Variants in CCNK observed in about 807,000 individuals in gnomAD.
CCNK encodes cyclin-K.
In CCNK, 9 loss-of-function variants were observed where a neutral mutation model predicts 65.0. That is an observed-to-expected ratio of 0.14 (90% CI 0.08 to 0.24). The LOEUF (loss-of-function observed/expected upper bound fraction) is 0.24, where lower values mean the gene tolerates loss of function less well. Ranked by LOEUF, CCNK falls within the 10% of genes least tolerant of loss-of-function variation. The pLI, the probability that CCNK is intolerant of heterozygous loss-of-function variation, is 1.00. For missense variants in CCNK, 474 were observed against 720.0 expected, an observed-to-expected ratio of 0.66 and a Z score of 3.91; for synonymous variants, 279 against 270.8, an observed-to-expected ratio of 1.03 and a Z score of -0.30.
At chr14:99,482,832 T>C (rs1159189024) in intron 1 of CCNK, among the ~76,000 whole-genome samples, 2 of 149,892 alleles carry the variant, frequency 1.3e-5, no homozygotes, top group Non-Finnish European at 3.0e-5. Flanking sequence ...CTAGTTCATT[T>C]CAGGACATTA....
At chr14:99,489,683 T>C (rs924870022) in intron 1 of CCNK, among the ~76,000 whole-genome samples, 1 of 152,238 alleles carries the variant, frequency 6.6e-6, no homozygotes, top group Admixed American at 6.5e-5. Flanking sequence ...GGTTTGAGTT[T>C]TAGGATTTGC....
chr14:99,510,634 C>T lies in CCNK; in HGVS notation c.1595C>T (p.Pro532Leu). 2 of 1,415,194 alleles carry T rather than the reference C, an allele frequency of 1.4e-6. No individual in the cohort carries two copies. The highest frequency in any genetic ancestry group is 3.0e-5 in the South Asian group (2 of 66,648). The allele number at this position is 1,415,194 out of a possible 1,614,324, so 87.7% of individuals were successfully genotyped here. ...CTCCCGCCTACCCACGCAGTCCCCC[C>T]TCATCCTCCTCCAGGGTTGGGCCTG... ...PRLPPTHAVP[P>L]HPPPGLGLPP... The change falls in exon 11 of 11, where the codon CCT becomes CTT. Residue 532 changes from proline (P) to leucine (L), a missense_variant. Coordinates refer to ENST00000389879, the MANE Select transcript of CCNK (RefSeq NM_001099402.2).
At chr14:99,506,243 G>T (rs1012120467) in intron 9 of CCNK, 3 of 152,290 alleles carry the variant, frequency 2.0e-5, no homozygotes, top group African/African-American at 7.2e-5. Context: ...AGTGATGGCA[G>T]AGGAGACTCA....
chr14:99,510,619 C>A lies in CCNK; in HGVS notation c.1580C>A (p.Thr527Asn). The A allele has an allele frequency of 1.5e-6, 2 of 1,307,908 alleles. No individual in the cohort carries two copies. The highest frequency in any genetic ancestry group is 1.0e-6 in the Non-Finnish European group (1 of 999,384). The allele number at this position is 1,307,908 out of a possible 1,614,324, so 81.0% of individuals were successfully genotyped here. The change falls in exon 11 of 11, where the codon ACC becomes AAC. Residue 527 changes from threonine to asparagine, a missense_variant. Transcript: ENST00000389879. ...FPPPPPRLPP[T>N]HAVPPHPPPG... The stretch of plus-strand genomic sequence containing the variant: ...CCCCCACCCCCACGCCTCCCGCCTA[C>A]CCACGCAGTCCCCCCTCATCCTCCT...
chr14:99,485,522 C>A (rs769613648), intron 1 of CCNK, among the ~76,000 whole-genome samples: 3 of 152,184 alleles, frequency 2.0e-5, no homozygotes, highest in African/African-American at 4.8e-5. Context: ...TTTTTATTAT[C>A]CCTTGACCAG....
intron 2 of CCNK, 74 bp downstream of exon 2, chr14:99,492,948 G>T: frequency 8.2e-7 from 1 of 1,216,444 alleles, no homozygotes. Context: ...AGATTCTGTA[G>T]ACAAAATATA....
intron 1 of CCNK, 45 bp from the exon 2 acceptor site, chr14:99,492,581 A>G (rs1169466195): frequency 3.1e-6 from 3 of 959,220 alleles, no homozygotes; most frequent in African/African-American, 3.4e-5. Flanking sequence ...GATTGCTTAT[A>G]GTATGGAGTA....
intron 9 of CCNK, chr14:99,506,665 G>A (rs1346245493): frequency 1.8e-5 from 3 of 170,218 alleles, no homozygotes; most frequent in Non-Finnish European, 3.8e-5. Flanking sequence ...TTCTCTTGTG[G>A]AACCCTCAGG....
Position 99,511,286 on chromosome 14 carries a change from A to G in CCNK, c.*504A>G, listed in dbSNP as rs1897124719. ...ATTTATAGATGTTTGCATCCTTTGT[A>G]TTAAAATTATTTTGAAGGGGTTGCC... On this transcript the variant is annotated 3_prime_UTR_variant, in exon 11 of 11. Coordinates refer to ENST00000389879, the MANE Select transcript of CCNK (RefSeq NM_001099402.2). The G allele has an allele frequency of 6.6e-6, 1 of 151,760 alleles. No individual in the cohort carries two copies. The highest frequency in any genetic ancestry group is 2.4e-5 in the African/African-American group (1 of 41,312). The allele number at this position is 151,760 out of a possible 1,614,324, so 9.4% of individuals were successfully genotyped here.
At chr14:99,486,875 GTTA>G (rs1482033199) in intron 1 of CCNK, among the ~76,000 whole-genome samples, 2 of 70,238 alleles carry the variant, frequency 2.8e-5, no homozygotes, top group Non-Finnish European at 6.4e-5. Flanking sequence ...CCTTACATGC[GTTA>G]TTATTTGTGG....
Position 99,507,161 on chromosome 14 carries a change from G to A in CCNK, c.1117+14G>A. On this transcript the variant is annotated intron_variant, in intron 10 of 10. Transcript: ENST00000389879. ...ACCCACCTCCAGGTAAGCATCTGCT[G>A]AAGCAGCTTGGCCAGCTGTGCACAT... The A allele has an allele frequency of 6.5e-7, 1 of 1,546,376 alleles. No individual in the cohort carries two copies. Among genetic ancestry groups the A allele is most frequent in the East Asian group, 2.2e-5 (1 of 44,594 alleles).
At chr14:99,495,310 C>T (rs1896677927) in intron 3 of CCNK, 188 bp from the exon 4 acceptor site, 1 of 338,646 alleles carries the variant, frequency 3.0e-6, no homozygotes, top group East Asian at 4.7e-5. Context: ...ATTTATGAAG[C>T]TAGAGTTTGG....
chr14:99,500,779 T>C lies in CCNK; in HGVS notation c.425T>C (p.Val142Ala), dbSNP rs2139869044. ...FGDDPKEEVM[V>A]LERILLQTIK... is the part of the protein sequence containing the mutation. ...ATTGATTTTTAGGAGGAAGTAATGG[T>C]TCTGGAGAGAATCTTACTGCAGACC... Residue 142 changes from valine (V) to alanine (A), a missense_variant, in exon 5 of 11, where the codon GTT becomes GCT. Val to Ala is a moderately conservative substitution (Grantham distance 64). Coordinates refer to ENST00000389879, the MANE Select transcript of CCNK (RefSeq NM_001099402.2). 1 of 1,558,938 alleles carries C rather than the reference T, an allele frequency of 6.4e-7. No individual in the cohort carries two copies. The highest frequency in any genetic ancestry group is 1.9e-5 in the Admixed American group (1 of 52,496).
chr14:99,503,501 G>A (rs963591845), intron 8 of CCNK, 110 bp from the exon 9 acceptor site: 1 of 870,260 alleles, frequency 1.1e-6, no homozygotes, highest in Non-Finnish European at 1.8e-6. Context: ...TTTGTCCGAG[G>A]CTGTTCACAG....
chr14:99,489,127 A>G (rs1028907325), intron 1 of CCNK, among the ~76,000 whole-genome samples: 8 of 151,794 alleles, frequency 5.3e-5, no homozygotes, highest in African/African-American at 9.7e-5. Context: ...AATGGGATAC[A>G]TATATATATA....
intron 1 of CCNK, 85 bp downstream of exon 1, chr14:99,481,564 C>T: frequency 2.5e-6 from 1 of 398,198 alleles, no homozygotes; most frequent in Non-Finnish European, 4.4e-6. Flanking sequence ...CCGCCGCTAT[C>T]CACTGGCGGA....
intron 8 of CCNK, chr14:99,503,210 T>A (rs532928894): frequency 4.4e-6 from 3 of 687,730 alleles, no homozygotes; most frequent in Non-Finnish European, 7.9e-6. Flanking sequence ...GCTCCAGCCC[T>A]GCTGCCTGTT....
rs188485709 is a variant in CCNK, at chr14:99,512,132, T to G, written c.*1350T>G. On this transcript the variant is annotated 3_prime_UTR_variant, in exon 11 of 11. Coordinates refer to ENST00000389879, the MANE Select transcript of CCNK (RefSeq NM_001099402.2). ...TACTAAAATAGTTCAAATCAATGTT[T>G]TTACCACACTATCAAAAAGTTCTAT... 1 of 152,228 alleles carries G rather than the reference T, an allele frequency of 6.6e-6. No individual in the cohort carries two copies. The highest frequency in any genetic ancestry group is 6.5e-5 in the Admixed American group (1 of 15,280). The allele number at this position is 152,228 out of a possible 1,614,324, so 9.4% of individuals were successfully genotyped here. A position where few individuals can be genotyped will look rare whatever the true frequency, so the allele number is the denominator to read the frequency against.
intron 9 of CCNK, 132 bp from the exon 10 acceptor site, chr14:99,506,944 A>C (rs1896990133): frequency 2.8e-6 from 2 of 716,836 alleles, no homozygotes; most frequent in African/African-American, 3.5e-5. Context: ...ACCTTCTTCA[A>C]GTTCCCTTAA....
Sources: allele counts gnomAD v4.1 joint callset (sites outside exome capture counted in the v4.1 genomes callset), GRCh38; gene constraint gnomAD v4.1.1; transcripts MANE v1.5; gene names NCBI Gene and HGNC (gene_info 2026-07-23, HGNC 2026-07-21).